Variants in GLP1R observed in about 807,000 individuals in gnomAD.
The protein encoded by GLP1R is glucagon like peptide 1 receptor.
A neutral mutation model predicts 68.4 loss-of-function variants in GLP1R; 32 were observed. The ratio of observed to expected loss-of-function variants is 0.47; its 90% confidence interval spans 0.35 to 0.63. The LOEUF (loss-of-function observed/expected upper bound fraction) is 0.63. GLP1R is among the 20% of genes least tolerant of loss of function. The pLI is 0.00. For missense variants in GLP1R, 502 were observed against 594.9 expected, an observed-to-expected ratio of 0.84 and a Z score of 1.62; for synonymous variants, 263 against 244.4, an observed-to-expected ratio of 1.08 and a Z score of -0.71.
intron 12 of GLP1R, among the ~76,000 whole-genome samples, chr6:39,085,655 C>T (rs1311675163): frequency 1.3e-5 from 2 of 152,218 alleles, no homozygotes; most frequent in African/African-American, 4.8e-5. Flanking sequence ...TTAGCTGAAT[C>T]ACAGAGTTTA....
In GLP1R at chr6:39,086,099, G is replaced by T; in HGVS notation, c.*26G>T. The T allele has an allele frequency of 6.2e-7, 1 of 1,609,356 alleles. No individual in the cohort carries two copies. Among genetic ancestry groups the T allele is most frequent in the Non-Finnish European group, 8.5e-7 (1 of 1,177,500 alleles). On this transcript the variant is annotated 3_prime_UTR_variant, in exon 13 of 13. Coordinates refer to ENST00000373256, the MANE Select transcript of GLP1R (RefSeq NM_002062.5). This position sits in a 1 kb window ranked among gnomAD's most constrained non-coding sequence, Gnocchi z 4.5. ...GACTCCAGCGCCTGCCCTCCCTGGG[G>T]TCCTTGCTGCAGGCCGGGTGGCCAA...
Position 39,079,553 on chromosome 6 carries a change from C to G in GLP1R, c.1044-11C>G. The G allele has an allele frequency of 6.3e-7, 1 of 1,583,986 alleles. No homozygotes were observed. Among genetic ancestry groups the G allele is most frequent in the South Asian group, 1.2e-5 (1 of 86,350 alleles). On this transcript the variant is annotated splice_polypyrimidine_tract_variant and intron_variant, in intron 10 of 12. Coordinates refer to ENST00000373256, the MANE Select transcript of GLP1R (RefSeq NM_002062.5). This position sits in a 1 kb window ranked among gnomAD's most constrained non-coding sequence, Gnocchi z 4.5. ...TCCAGAATGACTCGAGATCTCTGCC[C>G]TGCCCCTCAGACTTGCCAAGTCCAC...
At chr6:39,076,417 A>G (rs1361853283) in intron 7 of GLP1R, among the ~76,000 whole-genome samples, 2 of 152,174 alleles carry the variant, frequency 1.3e-5, no homozygotes, top group Non-Finnish European at 2.9e-5. Context: ...CGATTTGTGT[A>G]GAAATCAATG....
rs760765866 is a variant in GLP1R at position 39,089,752 on chromosome 6, C to CT, written c.*3680dup. Among the ~76,000 whole-genome samples the CT allele has an allele frequency of 6.6e-5, 10 of 152,176 alleles. No homozygotes were observed. The highest frequency in any genetic ancestry group is 7.3e-5 in the Non-Finnish European group (5 of 68,028). The stretch of plus-strand genomic sequence containing the variant: ...GGACCGCACACCCGAGGCTGGGAGT[C>CT]TAAGTGGTAGATGCTTCCTCTCCAT... On this transcript the variant is annotated 3_prime_UTR_variant, in exon 13 of 13. Transcript: ENST00000373256. This position sits in a 1 kb window ranked among gnomAD's most constrained non-coding sequence, Gnocchi z 4.1.
intron 1 of GLP1R, among the ~76,000 whole-genome samples, chr6:39,053,862 C>T (rs1458931872): frequency 6.6e-6 from 1 of 152,122 alleles, no homozygotes; most frequent in Non-Finnish European, 1.5e-5. Context: ...ACCAGAACCT[C>T]CCATCTGTCC....
At chr6:39,081,781 C>T (rs2150837890) in intron 12 of GLP1R, among the ~76,000 whole-genome samples, 1 of 152,292 alleles carries the variant, frequency 6.6e-6, no homozygotes, top group East Asian at 1.9e-4. Context: ...CTGATCTGGG[C>T]CCCATCACTT....
chr6:39,050,923 G>T (rs2150817964), intron 1 of GLP1R, among the ~76,000 whole-genome samples: 2 of 152,230 alleles, frequency 1.3e-5, no homozygotes, highest in South Asian at 4.1e-4. Flanking sequence ...GGACTGAAGG[G>T]AGACCTCTGA....
intron 5 of GLP1R, among the ~76,000 whole-genome samples, chr6:39,067,175 G>A (rs1180711130): frequency 6.6e-6 from 1 of 152,098 alleles, no homozygotes; most frequent in Non-Finnish European, 1.5e-5. Context: ...CCCTGAATGT[G>A]CCTCTTTTAA....
Position 39,087,142 on chromosome 6 carries a change from C to T in GLP1R, c.*1069C>T, listed in dbSNP as rs1562021957. On this transcript the variant is annotated 3_prime_UTR_variant, in exon 13 of 13. Transcript: ENST00000373256. ...AGGCTCCCCCTGCCTTTGAAATTCC[C>T]CCACTTGGGAGCTTGTATATACTTC... 1 of 152,240 alleles carries T rather than the reference C, an allele frequency of 6.6e-6. No homozygotes were observed. Among genetic ancestry groups the T allele is most frequent in the Non-Finnish European group, 1.5e-5 (1 of 68,070 alleles). 9.4% of individuals were successfully genotyped at this position (152,240 alleles called of 1,614,324 possible). A position where few individuals can be genotyped will look rare whatever the true frequency, so the allele number is the denominator to read the frequency against.
chr6:39,071,063 T>C (rs988449742), intron 5 of GLP1R, among the ~76,000 whole-genome samples: 3 of 152,186 alleles, frequency 2.0e-5, no homozygotes, highest in African/African-American at 7.2e-5. Context: ...AAATCTTTCC[T>C]TGGCTGGGTG....
chr6:39,056,329 T>C (rs1420777458), intron 1 of GLP1R, 68 bp from the exon 2 acceptor site: 2 of 786,388 alleles, frequency 2.5e-6, no homozygotes, highest in Non-Finnish European at 4.4e-6. Context: ...CCAAGTGTGT[T>C]AGGGGGTGAG....
chr6:39,057,249 G>A (rs1416473220), intron 2 of GLP1R, among the ~76,000 whole-genome samples: 1 of 152,220 alleles, frequency 6.6e-6, no homozygotes, highest in Non-Finnish European at 1.5e-5. Context: ...TTACAGATCA[G>A]GAAACAGACA....
rs200818658 is a variant in GLP1R at position 39,065,799 on chromosome 6, G to A, written c.372G>A (p.Ser124=). ...DNSSLPWRDL[S]ECEESKRGER... ...CCAGCCTGCCCTGGAGGGACTTGTC[G>A]GAGTGCGAGGAGTCCAAGCGAGGGG... Residue 124 remains serine (S), a synonymous_variant, in exon 4 of 13, where the codon TCG becomes TCA. Transcript: ENST00000373256. The A allele has an allele frequency of 1.4e-5, 23 of 1,603,356 alleles. No individual in the cohort carries two copies. Among genetic ancestry groups the A allele is most frequent in the African/African-American group, 2.7e-5 (2 of 74,814 alleles).
Position 39,055,029 on chromosome 6 carries a change from G to T in GLP1R, c.79-1368G>T, listed in dbSNP as rs541396374. 3.5e-4 allele frequency among the ~76,000 whole-genome samples: 54 copies of T among 152,286 alleles called. 1 individual carries two copies. The highest frequency in any genetic ancestry group is 1.2e-3 in the African/African-American group (51 of 41,582). ...CAGAAGAGCTCTGTCCTTCAGGGTA[G>T]CCCCTGCCGCCTTGGCACACTTATG... On this transcript the variant is annotated intron_variant, in intron 1 of 12. Transcript: ENST00000373256.
At chr6:39,071,392 T>G (rs1209106813) in intron 5 of GLP1R, among the ~76,000 whole-genome samples, 1 of 151,764 alleles carries the variant, frequency 6.6e-6, no homozygotes, top group Non-Finnish European at 1.5e-5. Flanking sequence ...AAAAGAAATC[T>G]TTCCTTACCC....
At position 39,089,362 on chromosome 6, in the gene GLP1R, G is replaced by T. The variant is rs893446547; in HGVS notation, c.*3289G>T. On this transcript the variant is annotated 3_prime_UTR_variant, in exon 13 of 13. Transcript: ENST00000373256. This position sits in a 1 kb window ranked among gnomAD's most constrained non-coding sequence, Gnocchi z 4.1. ...CAGAGTGTACTAAAATAACCTAAAA[G>T]GTCTTGAACCTCCCCTTTACCTCTT... Among the ~76,000 whole-genome samples the T allele has an allele frequency of 3.3e-5, 5 of 152,108 alleles. No individual in the cohort carries two copies. Among genetic ancestry groups the T allele is most frequent in the Admixed American group, 1.3e-4 (2 of 15,274 alleles).
chr6:39,078,890 C>A, intron 8 of GLP1R, 67 bp from the exon 9 acceptor site: 3 of 1,371,434 alleles, frequency 2.2e-6, no homozygotes, highest in Non-Finnish European at 3.1e-6. Context: ...GGCCTCTGTG[C>A]CTGCACCTGA....
chr6:39,057,677 C>A (rs989243233), intron 3 of GLP1R, 98 bp downstream of exon 3: 5 of 681,428 alleles, frequency 7.3e-6, no homozygotes, highest in Non-Finnish European at 1.3e-5. Flanking sequence ...GGTGAGCCCC[C>A]TCCCCGACCT....
At chr6:39,062,835 T>A (rs960808959) in intron 3 of GLP1R, among the ~76,000 whole-genome samples, 2 of 152,252 alleles carry the variant, frequency 1.3e-5, no homozygotes, top group African/African-American at 4.8e-5. Context: ...TCTTCATATG[T>A]ACAATGGGAC....
Sources: allele counts gnomAD v4.1 joint callset (sites outside exome capture counted in the v4.1 genomes callset), GRCh38; gene constraint gnomAD v4.1.1; non-coding constraint Gnocchi (gnomAD v3.1); transcripts MANE v1.5; gene names NCBI Gene and HGNC (gene_info 2026-07-23, HGNC 2026-07-21).